The following HDAC4 variants were observed in gnomAD, a reference collection of about 807,000 sequenced individuals.
HDAC4 encodes the protein histone deacetylase A.
HDAC4 carries 16 observed loss-of-function variants against 135.1 expected under a neutral mutation model. That is an observed-to-expected ratio of 0.12 (90% CI 0.08 to 0.18). The LOEUF (loss-of-function observed/expected upper bound fraction) is 0.18. Ranked by LOEUF, HDAC4 falls within the 10% of genes least tolerant of loss-of-function variation. The probability of loss-of-function intolerance (pLI) is 1.00; values close to 1 mark genes in which losing one functional copy is unlikely to be tolerated. For synonymous variants in HDAC4, 685 were observed against 653.4 expected (o/e 1.05, Z -0.74); for missense variants, 1,143 against 1,511.8 (o/e 0.76, Z 4.05).
chr2:239,283,490 C>A (rs1053212155), intron 2 of HDAC4, among the ~76,000 whole-genome samples: 1 of 152,214 alleles, frequency 6.6e-6, no homozygotes. Flanking sequence ...GGGCCTGGGA[C>A]GCCACTGCCG....
intron 3 of HDAC4, 123 bp downstream of exon 3, chr2:239,236,470 G>A (rs1369602023): frequency 2.6e-6 from 2 of 757,324 alleles, no homozygotes; most frequent in African/African-American, 1.7e-5. Flanking sequence ...CAAATTCAGT[G>A]AACCTGATAC....
chr2:239,213,452 C>A lies in HDAC4; in HGVS notation c.94+23141G>T, dbSNP rs115485324. 4.6e-5 allele frequency among the ~76,000 whole-genome samples: 7 copies of A among 152,352 alleles called. No homozygotes were observed. In the East Asian group the frequency reaches 1.3e-3, roughly 29 times the overall value. ...ACTCACTGGAGGATTGAGCTCTCCACAAGAAACTTCTGGACCCTACACAAA... is the reference window on the plus strand; with the variant it reads ...ACTCACTGGAGGATTGAGCTCTCCAAAAGAAACTTCTGGACCCTACACAAA... On this transcript the variant is annotated intron_variant, in intron 3 of 26. Transcript: ENST00000543185.
chr2:239,235,987 C>T (rs192488413), intron 3 of HDAC4, among the ~76,000 whole-genome samples: 112 of 152,298 alleles, frequency 7.4e-4, no homozygotes, highest in Non-Finnish European at 1.3e-3. Context: ...TTGCAGTGAG[C>T]CAAGATTACG....
At position 239,068,452 on chromosome 2, in the gene HDAC4, C is replaced by A; in HGVS notation, c.2869+37G>T. On this transcript the variant is annotated intron_variant, in intron 23 of 26. Coordinates refer to ENST00000543185, the MANE Select transcript of HDAC4 (RefSeq NM_001378414.1). This position sits in a 1 kb window ranked among gnomAD's most constrained non-coding sequence, Gnocchi z 4.4. The stretch of plus-strand genomic sequence containing the variant: ...GAACACAGCGGATCATGGACATGAG[C>A]AGAACCGGCTCCTCAGTCATATGCA... The A allele has an allele frequency of 7.0e-7, 1 of 1,427,018 alleles. No individual in the cohort carries two copies. The highest frequency in any genetic ancestry group is 9.9e-7 in the Non-Finnish European group (1 of 1,009,436). The allele number at this position is 1,427,018 out of a possible 1,614,324, so 88.4% of individuals were successfully genotyped here. A position where few individuals can be genotyped will look rare whatever the true frequency, so the allele number is the denominator to read the frequency against.
Position 239,112,263 on chromosome 2 carries a change from G to A in HDAC4, c.1792-551C>T, listed in dbSNP as rs144395903. ...CCACACACATACGGTGAGTGGGCAC[G>A]AAGCCCAACCCCCTTGTTGGGTTTG... is the stretch of plus-strand genomic sequence containing the variant. On this transcript the variant is annotated intron_variant, in intron 13 of 26. Transcript: ENST00000543185. Among the ~76,000 whole-genome samples, 133 of 152,334 alleles carry A rather than the reference G, an allele frequency of 8.7e-4. 1 individual carries two copies. Among genetic ancestry groups the A allele is most frequent in the African/African-American group, 3.1e-3 (130 of 41,578 alleles).
intron 15 of HDAC4, among the ~76,000 whole-genome samples, 180 bp from the exon 16 acceptor site, chr2:239,103,076 TATTTAAGAA>T (rs1378890498): frequency 6.6e-6 from 1 of 152,240 alleles, no homozygotes; most frequent in East Asian, 1.9e-4. Context: ...TATTTTAAAA[TATTTAAGAA>T]ATATTTTAGA....
chr2:239,364,486 C>T (rs1335381461), intron 1 of HDAC4, among the ~76,000 whole-genome samples: 2 of 152,156 alleles, frequency 1.3e-5, no homozygotes, highest in Admixed American at 1.3e-4. Context: ...AACACTAATC[C>T]GAGGTGGGAG....
intron 17 of HDAC4, chr2:239,094,773 G>A: frequency 7.2e-7 from 1 of 1,384,420 alleles, no homozygotes; most frequent in Non-Finnish European, 9.4e-7. Flanking sequence ...GAGAGCCACT[G>A]CACCCCAGAG....
intron 17 of HDAC4, chr2:239,091,745 G>A (rs1302956425): frequency 6.6e-6 from 1 of 152,182 alleles, no homozygotes; most frequent in Non-Finnish European, 1.5e-5. Context: ...TGTATTCGGT[G>A]ATGGTTTTCT....
chr2:239,120,470 GACAGATAC>G (rs1234180522), intron 12 of HDAC4, among the ~76,000 whole-genome samples: 10 of 151,660 alleles, frequency 6.6e-5, no homozygotes, highest in Non-Finnish European at 1.2e-4. Flanking sequence ...CACATGAAGA[GACAGATAC>G]ACAGATACAC....
At position 239,064,877 on chromosome 2, in the gene HDAC4, C is replaced by T. The variant is rs185118930; in HGVS notation, c.3003+1845G>A. 7.2e-5 allele frequency among the ~76,000 whole-genome samples: 11 copies of T among 152,332 alleles called. No individual in the cohort carries two copies. In the East Asian group the frequency reaches 9.7e-4, roughly 13 times the overall value. ...GTGCTGGCCACCTCGAGGCCCACTGCGCATGCTGAGGCCACTCACAGACAG... is the reference window on the plus strand; with the variant it reads ...GTGCTGGCCACCTCGAGGCCCACTGTGCATGCTGAGGCCACTCACAGACAG... On this transcript the variant is annotated intron_variant, in intron 24 of 26. Transcript: ENST00000543185.
intron 2 of HDAC4, among the ~76,000 whole-genome samples, chr2:239,264,500 C>T (rs998368336): frequency 3.9e-5 from 6 of 152,094 alleles, no homozygotes; most frequent in African/African-American, 9.7e-5. Context: ...GTGTGGCTGC[C>T]CACGGCTCTG....
chr2:239,054,570 TGTGA>T (rs761993599), intron 25 of HDAC4, among the ~76,000 whole-genome samples, 175 bp downstream of exon 25: 1 of 152,090 alleles, frequency 6.6e-6, no homozygotes, highest in South Asian at 2.1e-4. Flanking sequence ...CGGGGTTAAA[TGTGA>T]GTCTCTACCA....
intron 9 of HDAC4, among the ~76,000 whole-genome samples, chr2:239,136,207 A>G (rs952203045): frequency 6.6e-6 from 1 of 152,212 alleles, no homozygotes; most frequent in Admixed American, 6.5e-5. Context: ...AACGTTAATA[A>G]TGAATAGATA....
At chr2:239,336,820 G>C (rs2125845645) in intron 2 of HDAC4, among the ~76,000 whole-genome samples, 1 of 152,316 alleles carries the variant, frequency 6.6e-6, no homozygotes, top group Middle Eastern at 3.4e-3. Flanking sequence ...CTAGAGTTTA[G>C]GATTTCCTGA....
At position 239,217,259 on chromosome 2, in the gene HDAC4, C is replaced by T. The variant is rs76417406; in HGVS notation, c.94+19334G>A. ...TCCAAAAGCAAGAGGCCCGTCGACT[C>T]CCCTTCATGGTGGATAATCAAGCGA... On this transcript the variant is annotated intron_variant, in intron 3 of 26. Transcript: ENST00000543185. 8.9e-3 allele frequency among the ~76,000 whole-genome samples: 1,348 copies of T among 152,288 alleles called. 17 individuals are homozygous for T. The highest frequency in any genetic ancestry group is 0.017 in the Middle Eastern group (5 of 294).
At chr2:239,353,644 G>A (rs899566027) in intron 1 of HDAC4, among the ~76,000 whole-genome samples, 7 of 152,090 alleles carry the variant, frequency 4.6e-5, no homozygotes, top group Non-Finnish European at 1.0e-4. Context: ...ATCATCCCCT[G>A]GTTCAAAATA....
At chr2:239,215,104 A>T (rs1047124952) in intron 3 of HDAC4, among the ~76,000 whole-genome samples, 3 of 152,228 alleles carry the variant, frequency 2.0e-5, no homozygotes, top group Admixed American at 1.3e-4. Flanking sequence ...ATTTGACTGG[A>T]TGAGGCCAGG....
At chr2:239,248,306 G>T (rs1182308375) in intron 2 of HDAC4, among the ~76,000 whole-genome samples, 1 of 151,604 alleles carries the variant, frequency 6.6e-6, no homozygotes, top group African/African-American at 2.4e-5. Context: ...TCAGCCTCCC[G>T]AATAGCTGGG....
Sources: allele counts gnomAD v4.1 joint callset (sites outside exome capture counted in the v4.1 genomes callset), GRCh38; gene constraint gnomAD v4.1.1; non-coding constraint Gnocchi (gnomAD v3.1); transcripts MANE v1.5; gene names NCBI Gene and HGNC (gene_info 2026-07-23, HGNC 2026-07-21).